RBMXL3: variants seen among roughly 807,000 people sequenced by gnomAD.
The protein encoded by RBMXL3 is RBMX like 3, also known as RNA-binding motif protein, X-linked-like-3.
RBMXL3 carries 2 observed loss-of-function variants against 0.8 expected under a neutral mutation model. The ratio of observed to expected loss-of-function variants is 2.54; its 90% CI spans 1.04 to 8.00. The LOEUF is 8.00. Ranked by LOEUF, RBMXL3 falls within the 30% of genes most tolerant of loss-of-function variation. The probability of loss-of-function intolerance (pLI) is 0.04; values close to 1 mark genes in which losing one functional copy is unlikely to be tolerated. For missense variants in RBMXL3, 1,127 were observed against 1,068.0 expected, an observed-to-expected ratio of 1.06 and a Z score of -0.77; for synonymous variants, 447 against 449.8, an observed-to-expected ratio of 0.99 and a Z score of 0.08.
Position 115,192,005 on chromosome X carries a change from A to G in RBMXL3, c.2564A>G (p.Tyr855Cys), listed in dbSNP as rs2147332705. The change falls in exon 1 of 1, where the codon TAT becomes TGT. Residue 855 changes from tyrosine (Y) to cysteine (C), a missense_variant. Transcript: ENST00000424776. ...AACAGTTACGACCGGAGCCACCGCT[A>G]TGGAGGAGGAGGCCACTACGAAGAG... Reference protein sequence around the residue: ...SSNSYDRSHRYGGGGHYEEYR... With the variant: ...SSNSYDRSHRCGGGGHYEEYR... The G allele has an allele frequency of 8.6e-7, 1 of 1,166,308 alleles. No individual in the cohort carries two copies. Among genetic ancestry groups the G allele is most frequent in the East Asian group, 3.3e-5 (1 of 30,642 alleles).
Position 115,192,410 on chromosome X carries a change from T to G in RBMXL3, c.2969T>G (p.Leu990Trp). 1 of 1,165,699 alleles carries G rather than the reference T, an allele frequency of 8.6e-7. No individual in the cohort carries two copies. Among genetic ancestry groups the G allele is most frequent in the Non-Finnish European group, 1.1e-6 (1 of 871,477 alleles). The part of the protein sequence containing the change: ...GGHYEEYQGS[L>W]PDAYSGDHDR... ...CACTACGAGGAGTACCAGGGCAGCTTGCCTGACGCCTACAGCGGCGACCAC... is the reference window on the plus strand; with the variant it reads ...CACTACGAGGAGTACCAGGGCAGCTGGCCTGACGCCTACAGCGGCGACCAC... Residue 990 changes from leucine to tryptophan, a missense_variant, in exon 1 of 1, where the codon TTG (leucine) becomes TGG (tryptophan). Transcript: ENST00000424776.
Position 115,190,276 on chromosome X carries a change from G to A in RBMXL3, c.835G>A (p.Gly279Ser), listed in dbSNP as rs782702351. 56 of 1,151,201 alleles carry A rather than the reference G, an allele frequency of 4.9e-5. No individual in the cohort carries two copies. Among genetic ancestry groups the A allele is most frequent in the South Asian group, 3.9e-4 (20 of 50,740 alleles). The allele number at this position is 1,151,201 out of a possible 1,213,427, so 94.9% of individuals were successfully genotyped here. A position where few individuals can be genotyped will look rare whatever the true frequency, so the allele number is the denominator to read the frequency against. The stretch of plus-strand genomic sequence containing the variant: ...GGACTACCGTCCCTTGAGAGGCGAC[G>A]GCAACCAAAATGGCTACAGGGGTCG... ...VPDYRPLRGD[G>S]NQNGYRGRDH... Residue 279 changes from glycine (G) to serine (S), a missense_variant, in exon 1 of 1, where the codon GGC (glycine) becomes AGC (serine). Physicochemically the swap from Gly to Ser is moderately conservative, Grantham distance 56. Transcript: ENST00000424776.
In RBMXL3 at chrX:115,191,280, G is replaced by C. The variant is rs781787462; in HGVS notation, c.1839G>C (p.Gly613=). The change falls in exon 1 of 1, where the codon GGG becomes GGC. Residue 613 remains glycine (G), a synonymous_variant. Coordinates refer to ENST00000424776, the MANE Select transcript of RBMXL3 (RefSeq NM_001145346.2). ...SGGRSPNAYS[G]GHDSSSWSHR... ...GCCGCTCGCCCAATGCCTACAGCGG[G>C]GGCCACGACAGTTCCAGCTGGAGCC... The C allele has an allele frequency of 7.5e-5, 86 of 1,153,178 alleles. 1 individual carries two copies. The Admixed American group carries it at 2.2e-3, about 30-fold the overall frequency.
In RBMXL3 at chrX:115,192,718, C is replaced by T. The variant is rs1017183598; in HGVS notation, c.*73C>T. On this transcript the variant is annotated 3_prime_UTR_variant, in exon 1 of 1. Coordinates refer to ENST00000424776, the MANE Select transcript of RBMXL3 (RefSeq NM_001145346.2). ...GAAGAACCTGTTCTATGTTAACTAC[C>T]CAAGGACTAGTATAAGTAGGAGTTG... 9.0e-6 allele frequency: 9 copies of T among 996,415 alleles called. No homozygotes were observed. In the Admixed American group the frequency reaches 1.1e-4, roughly 12 times the overall value. The allele number at this position is 996,415 out of a possible 1,213,427, so 82.1% of individuals were successfully genotyped here.
chrX:115,191,383 G>T lies in RBMXL3; in HGVS notation c.1942G>T (p.Asp648Tyr), dbSNP rs2147330472. ...TGCCAACAGTGGAGGCCGCTCGCCT[G>T]ATGCCTACAGTGGGGGCCACGACAG... is the stretch of plus-strand genomic sequence containing the variant. ...LDANSGGRSP[D>Y]AYSGGHDSSG... The change falls in exon 1 of 1, where the codon GAT (aspartate) becomes TAT (tyrosine). Residue 648 changes from aspartate (D) to tyrosine (Y), a missense_variant. Coordinates refer to ENST00000424776, the MANE Select transcript of RBMXL3 (RefSeq NM_001145346.2). 8.7e-7 allele frequency: 1 copy of T among 1,146,191 alleles called. No homozygotes were observed. The highest frequency in any genetic ancestry group is 1.2e-6 in the Non-Finnish European group (1 of 860,835). The allele number at this position is 1,146,191 out of a possible 1,213,427, so 94.5% of individuals were successfully genotyped here. A position where few individuals can be genotyped will look rare whatever the true frequency, so the allele number is the denominator to read the frequency against.
In RBMXL3 at chrX:115,191,066, G is replaced by A. The variant is rs2072805119; in HGVS notation, c.1625G>A (p.Gly542Asp). ...GGHSSSSNSY[G>D]QSHRYGGEGR... ...CACAGCAGTTCCAGCAACAGTTACG[G>A]CCAGAGCCACCGCTATGGAGGAGAA... The change falls in exon 1 of 1, where the codon GGC (glycine) becomes GAC (aspartate). Residue 542 changes from glycine (G) to aspartate (D), a missense_variant. Physicochemically the swap from Gly to Asp is moderately conservative, Grantham distance 94 (BLOSUM62 -1). Coordinates refer to ENST00000424776, the MANE Select transcript of RBMXL3 (RefSeq NM_001145346.2). 6.0e-6 allele frequency: 7 copies of A among 1,165,950 alleles called. No individual in the cohort carries two copies. In the South Asian group the frequency reaches 7.6e-5, roughly 13 times the overall value.
rs782497701 is a variant in RBMXL3 at position 115,191,778 on chromosome X, C to T, written c.2337C>T (p.Tyr779=). 71 of 1,161,995 alleles carry T rather than the reference C, an allele frequency of 6.1e-5. No homozygotes were observed. Among genetic ancestry groups the T allele is most frequent in the Middle Eastern group, 4.7e-4 (2 of 4,293 alleles). The change falls in exon 1 of 1, where the codon TAC becomes TAT. Residue 779 remains tyrosine (Y), a synonymous_variant. Coordinates refer to ENST00000424776, the MANE Select transcript of RBMXL3 (RefSeq NM_001145346.2). ...RSHRYGGGGR[Y]EEYRGRSLDA... Reference sequence around the variant, plus strand: ...ACCGCTACGGAGGAGGAGGCCGCTACGAGGAGTACCGAGGCCGCTCGCTCG... The same window carrying T: ...ACCGCTACGGAGGAGGAGGCCGCTATGAGGAGTACCGAGGCCGCTCGCTCG...
Position 115,192,256 on chromosome X carries a change from C to A in RBMXL3, c.2815C>A (p.Arg939=), listed in dbSNP as rs1010569231. The A allele has an allele frequency of 1.7e-6, 2 of 1,164,785 alleles. No individual in the cohort carries two copies. Among genetic ancestry groups the A allele is most frequent in the Non-Finnish European group, 2.3e-6 (2 of 872,273 alleles). Residue 939 remains arginine, a synonymous_variant, in exon 1 of 1, where the codon CGG becomes AGG. Transcript: ENST00000424776. ...GLNSSNNSHG[R]SHRYGGGGRY... Reference sequence around the variant, plus strand: ...CAACAGTTCCAACAACAGTCATGGCCGGAGCCACCGCTACGGAGGAGGAGG... The same window carrying A: ...CAACAGTTCCAACAACAGTCATGGCAGGAGCCACCGCTACGGAGGAGGAGG...
In RBMXL3 at chrX:115,192,708, T is replaced by C. The variant is rs1364815566; in HGVS notation, c.*63T>C. 9.5e-7 allele frequency: 1 copy of C among 1,054,532 alleles called. No individual in the cohort carries two copies. Among genetic ancestry groups the C allele is most frequent in the Non-Finnish European group, 1.3e-6 (1 of 773,501 alleles). 86.9% of individuals were successfully genotyped at this position (1,054,532 alleles called of 1,213,427 possible). The stretch of plus-strand genomic sequence containing the variant: ...GAAACAAAAAGAAGAACCTGTTCTA[T>C]GTTAACTACCCAAGGACTAGTATAA... On this transcript the variant is annotated 3_prime_UTR_variant, in exon 1 of 1. Transcript: ENST00000424776.
Position 115,189,892 on chromosome X carries a change from G to C in RBMXL3, c.451G>C (p.Gly151Arg), listed in dbSNP as rs782260397. Residue 151 changes from glycine (G) to arginine (R), a missense_variant, in exon 1 of 1, where the codon GGG becomes CGG. By Grantham distance (125) the Gly-to-Arg change is moderately radical. Transcript: ENST00000424776. Reference sequence around the variant, plus strand: ...CAGGGCCCCGATGCCCAGGAAGCGCGGGCCGCCACCGCGGCACTGGGCCAG... The same window carrying C: ...CAGGGCCCCGATGCCCAGGAAGCGCCGGCCGCCACCGCGGCACTGGGCCAG... ...PYRAPMPRKR[G>R]PPPRHWASPP... The C allele has an allele frequency of 6.9e-6, 8 of 1,161,777 alleles. No homozygotes were observed. The highest frequency in any genetic ancestry group is 9.2e-6 in the Non-Finnish European group (8 of 870,475).
Position 115,190,961 on chromosome X carries a change from G to C in RBMXL3, c.1520G>C (p.Gly507Ala). The change falls in exon 1 of 1, where the codon GGA becomes GCA. Residue 507 changes from glycine (G) to alanine (A), a missense_variant. Coordinates refer to ENST00000424776, the MANE Select transcript of RBMXL3 (RefSeq NM_001145346.2). ...AGCTGGAGCGACCGCTACGGAGTAG[G>C]AGGCCACTATGAGGAGAACCGAGGC... ...NSSWSDRYGV[G>A]GHYEENRGHS... The C allele has an allele frequency of 8.6e-7, 1 of 1,158,825 alleles. No homozygotes were observed. Among genetic ancestry groups the C allele is most frequent in the African/African-American group, 1.9e-5 (1 of 52,573 alleles).
chrX:115,191,858 C>T lies in RBMXL3; in HGVS notation c.2417C>T (p.Ser806Phe). Reference protein sequence around the residue: ...PNAYSGGHNSSSRNDPCRGGG... With the variant: ...PNAYSGGHNSFSRNDPCRGGG... The stretch of plus-strand genomic sequence containing the variant: ...GCCTACAGCGGGGGCCACAACAGTT[C>T]CAGCCGGAACGACCCCTGCAGAGGA... Residue 806 changes from serine to phenylalanine, a missense_variant, in exon 1 of 1, where the codon TCC (serine) becomes TTC (phenylalanine). Transcript: ENST00000424776. The T allele has an allele frequency of 8.7e-7, 1 of 1,149,224 alleles. No individual in the cohort carries two copies. The highest frequency in any genetic ancestry group is 1.2e-6 in the Non-Finnish European group (1 of 862,147). 94.7% of individuals were successfully genotyped at this position (1,149,224 alleles called of 1,213,427 possible).
chrX:115,190,611 G>A lies in RBMXL3; in HGVS notation c.1170G>A (p.Glu390=), dbSNP rs1223420282. 4.7e-6 allele frequency: 1 copy of A among 210,896 alleles called. No individual in the cohort carries two copies. Among genetic ancestry groups the A allele is most frequent in the Non-Finnish European group, 7.6e-6 (1 of 132,300 alleles). The allele number at this position is 210,896 out of a possible 1,213,427, so 17.4% of individuals were successfully genotyped here. The stretch of plus-strand genomic sequence containing the variant: ...GCTACGGAGAAGAAGGCTGCTACGA[G>A]GAGTACAGAGGCCGCTCGCCCGACG... ...SDRYGEEGCY[E]EYRGRSPDAH... The change falls in exon 1 of 1, where the codon GAG becomes GAA. Residue 390 remains glutamate, a synonymous_variant. Coordinates refer to ENST00000424776, the MANE Select transcript of RBMXL3 (RefSeq NM_001145346.2).
rs782356890 is a variant in RBMXL3 at position 115,191,440 on chromosome X, G to T, written c.1999G>T (p.Gly667Cys). ...SGQSNCYGGG[G>C]RYEEYRGRLL... ...CCAGAGCAACTGCTACGGAGGAGGA[G>T]GCCGCTACGAGGAGTACCGAGGCCG... Residue 667 changes from glycine to cysteine, a missense_variant, in exon 1 of 1, where the codon GGC becomes TGC. Physicochemically the swap from Gly to Cys is radical, Grantham distance 159 (BLOSUM62 -3). Transcript: ENST00000424776. 2 of 1,147,915 alleles carry T rather than the reference G, an allele frequency of 1.7e-6. No homozygotes were observed. The highest frequency in any genetic ancestry group is 3.4e-5 in the East Asian group (1 of 29,021). 94.6% of individuals were successfully genotyped at this position (1,147,915 alleles called of 1,213,427 possible).
In RBMXL3 at chrX:115,190,385, C is replaced by A. The variant is rs1556557120; in HGVS notation, c.944C>A (p.Pro315His). 8.6e-7 allele frequency: 1 copy of A among 1,163,344 alleles called. No individual in the cohort carries two copies. Among genetic ancestry groups the A allele is most frequent in the South Asian group, 1.9e-5 (1 of 51,876 alleles). The part of the protein sequence containing the change: ...KSYGGPCGAA[P>H]VWGTPPSYGG... ...TACGGAGGCCCATGCGGCGCTGCCCCTGTGTGGGGGACACCGCCATCTTAT... is the reference window on the plus strand; with the variant it reads ...TACGGAGGCCCATGCGGCGCTGCCCATGTGTGGGGGACACCGCCATCTTAT... Residue 315 changes from proline to histidine, a missense_variant, in exon 1 of 1, where the codon CCT (proline) becomes CAT (histidine). Coordinates refer to ENST00000424776, the MANE Select transcript of RBMXL3 (RefSeq NM_001145346.2).
chrX:115,192,684 A>G lies in RBMXL3; in HGVS notation c.*39A>G, dbSNP rs906135527. ...TGGGCCCAAAAATTCCTTTTCAAAG[A>G]AACAAAAAGAAGAACCTGTTCTATG... On this transcript the variant is annotated 3_prime_UTR_variant, in exon 1 of 1. Coordinates refer to ENST00000424776, the MANE Select transcript of RBMXL3 (RefSeq NM_001145346.2). The G allele has an allele frequency of 2.7e-6, 3 of 1,131,708 alleles. No homozygotes were observed. The highest frequency in any genetic ancestry group is 3.6e-6 in the Non-Finnish European group (3 of 842,516). The allele number at this position is 1,131,708 out of a possible 1,213,427, so 93.3% of individuals were successfully genotyped here.
In RBMXL3 at chrX:115,190,428, C is replaced by T. The variant is rs1207892597; in HGVS notation, c.987C>T (p.Tyr329=). Residue 329 remains tyrosine, a synonymous_variant, in exon 1 of 1, where the codon TAC becomes TAT. Transcript: ENST00000424776. Reference sequence around the variant, plus strand: ...CATCTTATGGAGGAGGATGCCGCTACGAGGAGTACCAGGGCAACTCGCCCG... The same window carrying T: ...CATCTTATGGAGGAGGATGCCGCTATGAGGAGTACCAGGGCAACTCGCCCG... ...TPPSYGGGCR[Y]EEYQGNSPDA... is the part of the protein sequence containing the mutation. The T allele has an allele frequency of 1.0e-5, 12 of 1,164,230 alleles. No homozygotes were observed. Among genetic ancestry groups the T allele is most frequent in the East Asian group, 9.8e-5 (3 of 30,646 alleles).
At position 115,192,339 on chromosome X, in the gene RBMXL3, T is replaced by A. The variant is rs782315823; in HGVS notation, c.2898T>A (p.Ser966Arg). ...ACGCCCACAGTGGGGGCCGCGACAG[T>A]TCCATCAAGAGTTACGGCCTGAGCG... The part of the protein sequence containing the change: ...SPDAHSGGRD[S>R]SIKSYGLSDR... The change falls in exon 1 of 1, where the codon AGT (serine) becomes AGA (arginine). Residue 966 changes from serine to arginine, a missense_variant. By Grantham distance (110) the Ser-to-Arg change is moderately radical. Transcript: ENST00000424776. 14 of 1,076,166 alleles carry A rather than the reference T, an allele frequency of 1.3e-5. No individual in the cohort carries two copies. The Admixed American group carries it at 4.1e-4, about 32-fold the overall frequency. 88.7% of individuals were successfully genotyped at this position (1,076,166 alleles called of 1,213,427 possible).
Position 115,191,088 on chromosome X carries a change from A to T in RBMXL3, c.1647A>T (p.Gly549=). ...NSYGQSHRYG[G]EGRYEYRGRS... ...ACGGCCAGAGCCACCGCTATGGAGG[A>T]GAAGGCCGCTATGAGTACCGAGGCC... The change falls in exon 1 of 1, where the codon GGA becomes GGT. Residue 549 remains glycine, a synonymous_variant. Coordinates refer to ENST00000424776, the MANE Select transcript of RBMXL3 (RefSeq NM_001145346.2). 4 of 1,165,319 alleles carry T rather than the reference A, an allele frequency of 3.4e-6. No homozygotes were observed. The highest frequency in any genetic ancestry group is 4.6e-6 in the Non-Finnish European group (4 of 872,517).
Sources: gnomAD v4.1 joint callset for allele counts on GRCh38, gnomAD v4.1.1 for gene constraint, MANE v1.5 for transcripts, NCBI Gene and HGNC (gene_info 2026-07-23, HGNC 2026-07-21) for gene names.